Variants in ABCA12 observed in about 807,000 individuals in gnomAD.
ABCA12 encodes the protein glucosylceramide transporter ABCA12.
Under a neutral mutation model 293.5 loss-of-function variants are expected in ABCA12, and 156 were observed. The ratio of observed to expected loss-of-function variants is 0.53; its 90% CI spans 0.47 to 0.61. ABCA12 has a LOEUF of 0.61. Ranked by LOEUF, ABCA12 falls within the 20% of genes least tolerant of loss-of-function variation. The pLI is 0.00. For synonymous variants in ABCA12, 1,063 were observed against 1,108.0 expected, an observed-to-expected ratio of 0.96 and a Z score of 0.81; for missense variants, 2,797 against 3,090.2, an observed-to-expected ratio of 0.91 and a Z score of 2.25.
Position 214,953,835 on chromosome 2 carries a change from A to G in ABCA12, c.6647+19T>C. 2 of 1,611,960 alleles carry G rather than the reference A, an allele frequency of 1.2e-6. No homozygotes were observed. Among genetic ancestry groups the G allele is most frequent in the Non-Finnish European group, 1.7e-6 (2 of 1,178,734 alleles). ...AGTTCTGTTTTAGATGTCAAACGTT[A>G]TGTTTTCATTATATTTACCTGAGTT... On this transcript the variant is annotated intron_variant, in intron 44 of 52. Coordinates refer to ENST00000272895, the MANE Select transcript of ABCA12 (RefSeq NM_173076.3).
At chr2:214,957,167 A>T (rs1226451732) in intron 41 of ABCA12, among the ~76,000 whole-genome samples, 1 of 152,230 alleles carries the variant, frequency 6.6e-6, no homozygotes, top group Non-Finnish European at 1.5e-5. Flanking sequence ...ACTTTCTCAG[A>T]TGGTTGATTT....
At chr2:215,046,217 G>A (rs905273118) in intron 6 of ABCA12, among the ~76,000 whole-genome samples, 5 of 151,890 alleles carry the variant, frequency 3.3e-5, no homozygotes, top group African/African-American at 9.7e-5. Flanking sequence ...TCTTTTCCCT[G>A]TAACTCCAGA....
In ABCA12 at chr2:214,982,184, T is replaced by C. The variant is rs1483593703; in HGVS notation, c.4579+3A>G. The C allele has an allele frequency of 1.2e-6, 2 of 1,613,592 alleles. No homozygotes were observed. The highest frequency in any genetic ancestry group is 1.7e-6 in the Non-Finnish European group (2 of 1,179,720). On this transcript the variant is annotated splice_donor_region_variant and intron_variant, in intron 30 of 52. Transcript: ENST00000272895. ...TGGAGAAGTTCTGAGAAACTACTCA[T>C]ACCAGTTTTGTTCTTGGATATAACA...
In ABCA12 at chr2:214,932,124, C is replaced by A; in HGVS notation, c.*510G>T. ...TACATTGTAAACATTGTGCCCACTG[C>A]TCTGCAAACGTTCATTTGGCCCTTA... On this transcript the variant is annotated 3_prime_UTR_variant, in exon 53 of 53. Transcript: ENST00000272895. 1 of 183,414 alleles carries A rather than the reference C, an allele frequency of 5.5e-6. No homozygotes were observed. Among genetic ancestry groups the A allele is most frequent in the Non-Finnish European group, 1.1e-5 (1 of 87,186 alleles). The allele number at this position is 183,414 out of a possible 1,614,324, so 11.4% of individuals were successfully genotyped here.
chr2:215,012,054 T>A lies in ABCA12; in HGVS notation c.2038A>T (p.Met680Leu), dbSNP rs575786108. ...FIRLKEILNQ[M>L]ASGTHPLLDK... ...AGCAGCGGATGTGTGCCAGAAGCCA[T>A]CTGATTGAGAATCTCTTTTAGTCTT... Residue 680 changes from methionine to leucine, a missense_variant, in exon 16 of 53, where the codon ATG (methionine) becomes TTG (leucine). By Grantham distance (15) the Met-to-Leu change is conservative. Transcript: ENST00000272895. 6.8e-6 allele frequency: 11 copies of A among 1,614,024 alleles called. No individual in the cohort carries two copies. The highest frequency in any genetic ancestry group is 5.0e-5 in the Admixed American group (3 of 60,014).
Position 214,986,669 on chromosome 2 carries a change from C to T in ABCA12, c.4036G>A (p.Val1346Ile). ...ATCTTTGTGACCCCATGCAGGGCAACCCCGACTGTGAGATCTTTAGGTTCA... is the reference window on the plus strand; with the variant it reads ...ATCTTTGTGACCCCATGCAGGGCAATCCCGACTGTGAGATCTTTAGGTTCA... ...EPEPKDLTVG[V>I]ALHGVTKIYG... Residue 1346 changes from valine (V) to isoleucine (I), a missense_variant, in exon 28 of 53, where the codon GTT (valine) becomes ATT (isoleucine). Transcript: ENST00000272895. 4.3e-6 allele frequency: 7 copies of T among 1,614,072 alleles called. No homozygotes were observed. Among genetic ancestry groups the T allele is most frequent in the Non-Finnish European group, 5.9e-6 (7 of 1,179,980 alleles).
Position 214,954,057 on chromosome 2 carries a change from T to A in ABCA12, c.6444A>T (p.Pro2148=), listed in dbSNP as rs568164233. 5 of 1,614,002 alleles carry A rather than the reference T, an allele frequency of 3.1e-6. No individual in the cohort carries two copies. Among genetic ancestry groups the A allele is most frequent in the South Asian group, 1.1e-5 (1 of 91,074 alleles). Residue 2148 remains proline, a synonymous_variant, in exon 44 of 53, where the codon CCA becomes CCT. Coordinates refer to ENST00000272895, the MANE Select transcript of ABCA12 (RefSeq NM_173076.3). ...ETLKRIFLIF[P]QFCFGYGLIE... ...TCAAACCGTAGCCAAAACAGAATTG[T>A]GGGAAAATCAGGAAAATGCGCTTGA...
At chr2:215,003,754 AC>A (rs1057281050) in intron 20 of ABCA12, among the ~76,000 whole-genome samples, 1 of 150,968 alleles carries the variant, frequency 6.6e-6, no homozygotes, top group African/African-American at 2.4e-5. Context: ...TGAAACCTCC[AC>A]CCCCCAGGTT....
chr2:215,111,313 G>A (rs1702566244), intron 2 of ABCA12, among the ~76,000 whole-genome samples: 1 of 152,140 alleles, frequency 6.6e-6, no homozygotes. Flanking sequence ...GCATATCATG[G>A]CAAGATTTAT....
chr2:214,948,785 C>T, intron 46 of ABCA12, 48 bp from the exon 47 acceptor site: 1 of 1,611,286 alleles, frequency 6.2e-7, no homozygotes, highest in Non-Finnish European at 8.5e-7. Context: ...AAGATTTATC[C>T]CTCCTGGTTC....
At chr2:215,086,744 T>A (rs570105618) in intron 2 of ABCA12, among the ~76,000 whole-genome samples, 11 of 152,252 alleles carry the variant, frequency 7.2e-5, no homozygotes, top group Admixed American at 5.9e-4. Context: ...GACAAACAGC[T>A]GGGTATTTGC....
intron 34 of ABCA12, 152 bp downstream of exon 34, chr2:214,975,633 G>T: frequency 1.9e-6 from 2 of 1,067,174 alleles, no homozygotes; most frequent in Non-Finnish European, 1.4e-6. Context: ...GTAACATATT[G>T]CAATCAATCA....
intron 33 of ABCA12, among the ~76,000 whole-genome samples, chr2:214,978,020 A>G (rs1699559674): frequency 6.6e-6 from 1 of 152,032 alleles, no homozygotes; most frequent in Non-Finnish European, 1.5e-5. Context: ...CTGAACATGA[A>G]CTGAAATTGT....
intron 2 of ABCA12, among the ~76,000 whole-genome samples, chr2:215,073,245 G>A (rs1575025764): frequency 6.6e-6 from 1 of 152,038 alleles, no homozygotes; most frequent in Non-Finnish European, 1.5e-5. Context: ...AAAGATTCAC[G>A]ATTGCATTTT....
At chr2:214,978,552 T>G (rs1288345493) in intron 32 of ABCA12, 86 bp from the exon 33 acceptor site, 7 of 1,510,006 alleles carry the variant, frequency 4.6e-6, no homozygotes, top group Admixed American at 1.9e-5. Context: ...TTTGAACTTT[T>G]ATCACATTTA....
intron 8 of ABCA12, among the ~76,000 whole-genome samples, 173 bp downstream of exon 8, chr2:215,036,780 A>G (rs1279284274): frequency 6.6e-6 from 1 of 152,006 alleles, no homozygotes. Context: ...CTTCTTGGCC[A>G]TTTCTCCCTT....
chr2:215,075,555 T>C (rs914461771), intron 2 of ABCA12: 18 of 697,980 alleles, frequency 2.6e-5, no homozygotes, highest in Non-Finnish European at 3.1e-5. Flanking sequence ...TCCTCATTTA[T>C]GCAGGAAAAA....
chr2:214,975,837 T>G lies in ABCA12; in HGVS notation c.5329A>C (p.Ile1777Leu). ...LRNSSNSYPE[I>L]QISPSLYGTS... is the part of the protein sequence containing the mutation. Reference sequence around the variant, plus strand: ...CCATAAAGAGAGGGGGAGATCTGAATCTCTGGATAACTGTTGCTGGAATTT... The same window carrying G: ...CCATAAAGAGAGGGGGAGATCTGAAGCTCTGGATAACTGTTGCTGGAATTT... Residue 1777 changes from isoleucine to leucine, a missense_variant, in exon 34 of 53, where the codon ATT becomes CTT. Coordinates refer to ENST00000272895, the MANE Select transcript of ABCA12 (RefSeq NM_173076.3). The G allele has an allele frequency of 6.2e-7, 1 of 1,614,094 alleles. No individual in the cohort carries two copies. The highest frequency in any genetic ancestry group is 8.5e-7 in the Non-Finnish European group (1 of 1,179,972).
Position 214,975,893 on chromosome 2 carries a change from A to G in ABCA12, c.5273T>C (p.Val1758Ala), listed in dbSNP as rs765144981. The part of the protein sequence containing the change: ...IAQVILPIVF[V>A]TTAMGLGTLR... ...TGTGCCAAGGCCCATGGCAGTGGTA[A>G]CAAAGACGATGGGGAGGATAACCTG... is the stretch of plus-strand genomic sequence containing the variant. Residue 1758 changes from valine to alanine, a missense_variant, in exon 34 of 53, where the codon GTT becomes GCT. By Grantham distance (64) the Val-to-Ala change is moderately conservative. Around this residue, in one of 3 missense-constraint regions of ABCA12, gnomAD observed 2,130 missense variants for 2,427.0 expected, o/e 0.88. Coordinates refer to ENST00000272895, the MANE Select transcript of ABCA12 (RefSeq NM_173076.3). The G allele has an allele frequency of 3.7e-6, 6 of 1,614,044 alleles. No individual in the cohort carries two copies. Among genetic ancestry groups the G allele is most frequent in the Non-Finnish European group, 3.4e-6 (4 of 1,180,004 alleles).
Sources: allele counts gnomAD v4.1 joint callset (sites outside exome capture counted in the v4.1 genomes callset), GRCh38; gene constraint gnomAD v4.1.1; regional missense constraint gnomAD v4.1.1; transcripts MANE v1.5; gene names NCBI Gene and HGNC (gene_info 2026-07-23, HGNC 2026-07-21).